The following MYH3 variants were observed in gnomAD, a reference collection of about 807,000 sequenced individuals.
The protein encoded by MYH3 is myosin-3.
Under a neutral mutation model 238.0 loss-of-function variants are expected in MYH3, and 130 were observed. The observed-to-expected ratio is 0.55, with a 90% CI of 0.47 to 0.63. The LOEUF (loss-of-function observed/expected upper bound fraction) is 0.63. Among genes scored for constraint, MYH3 ranks in the 30% least tolerant of loss-of-function variants. The pLI is 0.00. For synonymous variants in MYH3, 880 were observed against 924.1 expected, an observed-to-expected ratio of 0.95 and a Z score of 0.86; for missense variants, 1,853 against 2,374.9, an observed-to-expected ratio of 0.78 and a Z score of 4.57.
intron 28 of MYH3, among the ~76,000 whole-genome samples, chr17:10,637,512 G>C (rs550752264): frequency 1.3e-5 from 2 of 152,272 alleles, no homozygotes; most frequent in South Asian, 4.1e-4. Context: ...GCCCATCAGA[G>C]TCTGTCTGAT....
intron 19 of MYH3, among the ~76,000 whole-genome samples, 168 bp from the exon 20 acceptor site, chr17:10,640,854 T>A (rs975470321): frequency 6.6e-6 from 1 of 152,254 alleles, no homozygotes; most frequent in African/African-American, 2.4e-5. Context: ...CTAGATCTCT[T>A]GACTCTTCAG....
chr17:10,661,188 G>T (rs2074478030), upstream of MYH3, among the ~76,000 whole-genome samples: 1 of 150,604 alleles, frequency 6.6e-6, no homozygotes, highest in Non-Finnish European at 1.5e-5. Flanking sequence ...TGTTAGTCAG[G>T]CTGGTCTTGA....
intron 33 of MYH3, among the ~76,000 whole-genome samples, chr17:10,633,360 G>A (rs1482944301): frequency 6.6e-6 from 1 of 152,160 alleles, no homozygotes; most frequent in Non-Finnish European, 1.5e-5. Context: ...GTAATATTTT[G>A]TAAAATCTCA....
In MYH3 at chr17:10,637,800, G is replaced by A. The variant is rs768688733; in HGVS notation, c.3856+9C>T. On this transcript the variant is annotated intron_variant, in intron 28 of 40. Transcript: ENST00000583535. ...TTTTGGCCCCACGGGTTTTCTGCACGTGGCTTACCAGCCTCGGTCTGCAAA... is the reference window on the plus strand; with the variant it reads ...TTTTGGCCCCACGGGTTTTCTGCACATGGCTTACCAGCCTCGGTCTGCAAA... 2.5e-5 allele frequency: 40 copies of A among 1,613,922 alleles called. 1 individual carries two copies. In the South Asian group the frequency reaches 3.8e-4, roughly 16 times the overall value.
Position 10,632,545 on chromosome 17 carries a change from C to A in MYH3, c.4887G>T (p.Gln1629His). Residue 1629 changes from glutamine (Q) to histidine (H), a missense_variant, in exon 34 of 41, where the codon CAG (glutamine) becomes CAT (histidine). By Grantham distance (24) the Gln-to-His change is conservative. Coordinates refer to ENST00000583535, the MANE Select transcript of MYH3 (RefSeq NM_002470.4). ...CCGCCTGGCGGTTGGCGTGGCTCAG[C>A]TGGATCTCGATTTCATTCAGGTCCC... Reference protein sequence around the residue: ...MEGDLNEIEIQLSHANRQAAE... With the variant: ...MEGDLNEIEIHLSHANRQAAE... The A allele has an allele frequency of 6.2e-7, 1 of 1,614,184 alleles. No homozygotes were observed. The highest frequency in any genetic ancestry group is 8.5e-7 in the Non-Finnish European group (1 of 1,180,052).
the MYH3 span, among the ~76,000 whole-genome samples, chr17:10,668,769 A>T: frequency 0.21 from 31,636 of 152,146 alleles, 3,477 homozygotes; most frequent in Non-Finnish European, 0.25. Flanking sequence ...AGTTTACATC[A>T]GTAGTTTTCT....
chr17:10,656,272 T>TGG (rs1800213063), intron 1 of MYH3, 124 bp from the exon 2 acceptor site: 1 of 152,082 alleles, frequency 6.6e-6, no homozygotes, highest in South Asian at 2.1e-4. Flanking sequence ...ACGCCTGTAA[T>TGG]CCCAGCACTT....
intron 8 of MYH3, 74 bp downstream of exon 8, chr17:10,648,483 C>G: frequency 7.9e-7 from 1 of 1,260,064 alleles, no homozygotes; most frequent in Non-Finnish European, 1.2e-6. Context: ...GGTCTCTACA[C>G]TCTTTGAGGA....
In MYH3 at chr17:10,633,668, T is replaced by C. The variant is rs1738255101; in HGVS notation, c.4570A>G (p.Ile1524Val). The stretch of plus-strand genomic sequence containing the variant: ...TTTCTTGATTTCTCCAGTTCATGGA[T>C]GGTTTTGCCATTTTCAGCAATTTGT... ...TEQIAENGKT[I>V]HELEKSRKQI... The change falls in exon 33 of 41, where the codon ATC becomes GTC. Residue 1524 changes from isoleucine (I) to valine (V), a missense_variant. Coordinates refer to ENST00000583535, the MANE Select transcript of MYH3 (RefSeq NM_002470.4). The C allele has an allele frequency of 5.0e-6, 8 of 1,614,078 alleles. No individual in the cohort carries two copies. The highest frequency in any genetic ancestry group is 6.8e-6 in the Non-Finnish European group (8 of 1,179,998).
intron 17 of MYH3, among the ~76,000 whole-genome samples, chr17:10,641,897 G>C (rs928500171): frequency 6.6e-6 from 1 of 152,144 alleles, no homozygotes; most frequent in Non-Finnish European, 1.5e-5. Flanking sequence ...GTGAGCCAGA[G>C]GCTCGCCAAG....
chr17:10,645,044 ATT>A (rs36082575), intron 12 of MYH3, among the ~76,000 whole-genome samples: 1 of 146,796 alleles, frequency 6.8e-6, no homozygotes. Context: ...GCTTCCATCC[ATT>A]TTTTTTTTTT....
chr17:10,636,786 C>T (rs993655661), intron 28 of MYH3, among the ~76,000 whole-genome samples: 1 of 151,824 alleles, frequency 6.6e-6, no homozygotes, highest in African/African-American at 2.4e-5. Context: ...TGTTGGCATG[C>T]GTCTGTAGTC....
At chr17:10,670,585 A>C in the MYH3 span, among the ~76,000 whole-genome samples, 3 of 152,130 alleles carry the variant, frequency 2.0e-5, no homozygotes, top group African/African-American at 4.8e-5. The surrounding 1 kb of genome is among the most constrained non-coding windows in gnomAD (Gnocchi z 7.0). Flanking sequence ...CTGGGATTGC[A>C]AGCACATGCC....
At chr17:10,641,832 G>T (rs568877495) in intron 17 of MYH3, among the ~76,000 whole-genome samples, 1 of 152,110 alleles carries the variant, frequency 6.6e-6, no homozygotes, top group South Asian at 2.1e-4. Context: ...GCTTTCAATG[G>T]TCCTATGGCT....
chr17:10,639,364 T>C lies in MYH3; in HGVS notation c.3036A>G (p.Gln1012=). 6.2e-7 allele frequency: 1 copy of C among 1,614,216 alleles called. No homozygotes were observed. The highest frequency in any genetic ancestry group is 8.5e-7 in the Non-Finnish European group (1 of 1,180,034). ...EAHQQALDDL[Q]AEEDKVNSLN... is the part of the protein sequence containing the mutation. ...AAGAATTGACTTTGTCTTCTTCAGC[T>C]TGGAGGTCATCCAAGGCCTGCTGGT... The change falls in exon 24 of 41, where the codon CAA becomes CAG. Residue 1012 remains glutamine (Q), a synonymous_variant. Coordinates refer to ENST00000583535, the MANE Select transcript of MYH3 (RefSeq NM_002470.4).
rs886323162 is a variant in MYH3, at chr17:10,645,854, G to A, written c.1003-9C>T. On this transcript the variant is annotated splice_polypyrimidine_tract_variant and intron_variant, in intron 11 of 40. Transcript: ENST00000583535. ...AGGATGTCAATGGCGCTCTGGCATG[G>A]AAAGGGCAGCACGTCAGTCAGTTGG... 4.3e-6 allele frequency: 7 copies of A among 1,613,968 alleles called. No individual in the cohort carries two copies. In the African/African-American group the frequency reaches 9.3e-5, roughly 22 times the overall value.
chr17:10,640,193 G>A lies in MYH3; in HGVS notation c.2485C>T (p.Pro829Ser). ...ATCTTGAAGAAGAGTTTCATCCAGG[G>A]CCAGTGCTTGACGTTCATGAATGAG... Reference protein sequence around the residue: ...IRSFMNVKHWPWMKLFFKIKP... With the variant: ...IRSFMNVKHWSWMKLFFKIKP... Residue 829 changes from proline to serine, a missense_variant, in exon 22 of 41, where the codon CCC becomes TCC. Pro to Ser is a moderately conservative substitution (Grantham distance 74). Coordinates refer to ENST00000583535, the MANE Select transcript of MYH3 (RefSeq NM_002470.4). The A allele has an allele frequency of 1.9e-6, 3 of 1,614,180 alleles. No homozygotes were observed. Among genetic ancestry groups the A allele is most frequent in the Non-Finnish European group, 2.5e-6 (3 of 1,180,046 alleles).
chr17:10,641,516 T>C (rs2074272340), intron 17 of MYH3, 144 bp from the exon 18 acceptor site: 1 of 100,240 alleles, frequency 1.0e-5, no homozygotes, highest in East Asian at 7.0e-5. Flanking sequence ...GTCTTTTTTT[T>C]TTTTTTTTTT....
At chr17:10,635,706 G>A (rs1399067806) in intron 29 of MYH3, 29 bp downstream of exon 29, 2 of 1,612,098 alleles carry the variant, frequency 1.2e-6, no homozygotes, top group Admixed American at 3.3e-5. Context: ...TAAAAATAAG[G>A]GCAAAGAAGT....
Sources: allele counts gnomAD v4.1 joint callset (sites outside exome capture counted in the v4.1 genomes callset), GRCh38; gene constraint gnomAD v4.1.1; non-coding constraint Gnocchi (gnomAD v3.1); transcripts MANE v1.5; gene names NCBI Gene and HGNC (gene_info 2026-07-23, HGNC 2026-07-21).